ARFGEF2: variants seen among roughly 807,000 people sequenced by gnomAD.
ARFGEF2 encodes brefeldin A-inhibited guanine nucleotide-exchange protein 2.
A neutral mutation model predicts 219.9 loss-of-function variants in ARFGEF2; 74 were observed. The ratio of observed to expected loss-of-function variants is 0.34; its 90% CI spans 0.28 to 0.41. The LOEUF (loss-of-function observed/expected upper bound fraction) is 0.41, where lower values mean the gene tolerates loss of function less well. ARFGEF2 is among the 10% of genes least tolerant of loss of function. The pLI is 1.00. For synonymous variants in ARFGEF2, 733 were observed against 799.2 expected, an observed-to-expected ratio of 0.92 and a Z score of 1.40; for missense variants, 1,743 against 2,218.3, an observed-to-expected ratio of 0.79 and a Z score of 4.30.
chr20:48,941,152 A>G (rs1245565371), intron 1 of ARFGEF2, 47 bp from the exon 2 acceptor site: 1 of 1,574,756 alleles, frequency 6.4e-7, no homozygotes, highest in Non-Finnish European at 8.7e-7. Flanking sequence ...TTTCCTTTAC[A>G]TAAATGTTGC....
chr20:48,985,526 TAGA>T lies in ARFGEF2; in HGVS notation c.2192_2194del (p.Glu731del). The T allele has an allele frequency of 6.2e-7, 1 of 1,614,232 alleles. No homozygotes were observed. On this transcript the variant is annotated inframe_deletion, in exon 16 of 39. Transcript: ENST00000371917. Reference sequence around the variant, plus strand: ...TTTGTCTCAGCCCTGCGGACATTCCTAGAAGGTTTCCGCCTACCTGGAGAAGCC... The same window carrying T: ...TTTGTCTCAGCCCTGCGGACATTCCTAGGTTTCCGCCTACCTGGAGAAGCC...
In ARFGEF2 at chr20:48,921,779, G is replaced by A; in HGVS notation, c.-111G>A. On this transcript the variant is annotated 5_prime_UTR_variant, in exon 1 of 39. Coordinates refer to ENST00000371917, the MANE Select transcript of ARFGEF2 (RefSeq NM_006420.3). Reference sequence around the variant, plus strand: ...CGAGGTGTCGCTTCCTGACGGGGCGGCGCGGACGGACGCGGCCGGTGCCGG... The same window carrying A: ...CGAGGTGTCGCTTCCTGACGGGGCGACGCGGACGGACGCGGCCGGTGCCGG... The A allele has an allele frequency of 9.0e-7, 1 of 1,117,012 alleles. No homozygotes were observed. Among genetic ancestry groups the A allele is most frequent in the Non-Finnish European group, 1.1e-6 (1 of 900,104 alleles). The allele number at this position is 1,117,012 out of a possible 1,614,324, so 69.2% of individuals were successfully genotyped here.
chr20:49,011,767 A>G (rs2091499801), intron 27 of ARFGEF2, among the ~76,000 whole-genome samples, 157 bp from the exon 28 acceptor site: 1 of 152,218 alleles, frequency 6.6e-6, no homozygotes, highest in African/African-American at 2.4e-5. Context: ...TTAATAAGAA[A>G]AACTGTCTTC....
At chr20:49,006,378 A>C (rs1395270424) in intron 26 of ARFGEF2, among the ~76,000 whole-genome samples, 1 of 152,220 alleles carries the variant, frequency 6.6e-6, no homozygotes, top group South Asian at 2.1e-4. Context: ...TGATGGGCAT[A>C]CAGGAGTTCA....
At chr20:48,978,533 G>A (rs1260918705) in intron 14 of ARFGEF2, among the ~76,000 whole-genome samples, 1 of 152,130 alleles carries the variant, frequency 6.6e-6, no homozygotes, top group African/African-American at 2.4e-5. Context: ...TGATGGGGAT[G>A]GCATTGAATC....
intron 6 of ARFGEF2, among the ~76,000 whole-genome samples, chr20:48,963,081 C>T (rs745498120): frequency 6.0e-5 from 9 of 149,420 alleles, no homozygotes; most frequent in Middle Eastern, 3.5e-3. Flanking sequence ...GGTGAGGAGG[C>T]GGGAGGATTG....
At chr20:48,939,232 C>G (rs1034955845) in intron 1 of ARFGEF2, among the ~76,000 whole-genome samples, 1 of 151,996 alleles carries the variant, frequency 6.6e-6, no homozygotes, top group Non-Finnish European at 1.5e-5. Flanking sequence ...CTCGGCCTCC[C>G]AAAATGCTGG....
rs187270675 is a variant in ARFGEF2, at chr20:49,023,230, G to A, written c.4755+49G>A. On this transcript the variant is annotated intron_variant, in intron 35 of 38. Coordinates refer to ENST00000371917, the MANE Select transcript of ARFGEF2 (RefSeq NM_006420.3). ...GAGCATCCCTGTCCATAGGGAGGTT[G>A]CTTTGATGTAGTGGTGTGCGGAAGC... 1.9e-6 allele frequency: 3 copies of A among 1,610,972 alleles called. No homozygotes were observed. In the South Asian group the frequency reaches 3.3e-5, roughly 18 times the overall value.
intron 1 of ARFGEF2, among the ~76,000 whole-genome samples, chr20:48,933,840 C>G (rs1600586465): frequency 2.0e-5 from 3 of 152,014 alleles, no homozygotes; most frequent in Admixed American, 2.0e-4. Context: ...GGGAAGTTGG[C>G]CGGGTGCGGT....
Position 48,989,657 on chromosome 20 carries a change from C to T in ARFGEF2, c.2787C>T (p.Ile929=). The change falls in exon 20 of 39, where the codon ATC becomes ATT. Residue 929 remains isoleucine, a synonymous_variant. Transcript: ENST00000371917. ...GTTTGGAAGGCATCCGATGTGCAAT[C>T]CGAATCGCCTGCATCTTTGGAATGC... ...SLCLEGIRCA[I]RIACIFGMQL... The T allele has an allele frequency of 1.2e-6, 2 of 1,614,204 alleles. No homozygotes were observed. Among genetic ancestry groups the T allele is most frequent in the Non-Finnish European group, 8.5e-7 (1 of 1,180,032 alleles).
At chr20:48,950,573 C>A (rs1286970831) in intron 3 of ARFGEF2, among the ~76,000 whole-genome samples, 1 of 151,434 alleles carries the variant, frequency 6.6e-6, no homozygotes, top group African/African-American at 2.4e-5. Context: ...GCAGGAGGAT[C>A]GCTTGAGCCC....
intron 36 of ARFGEF2, among the ~76,000 whole-genome samples, chr20:49,026,599 T>A: frequency 6.6e-6 from 1 of 150,972 alleles, no homozygotes; most frequent in East Asian, 1.9e-4. Flanking sequence ...TTTTTTTTTT[T>A]TTTTGAGGCA....
Position 49,023,060 on chromosome 20 carries a change from T to A in ARFGEF2, c.4634T>A (p.Leu1545Gln), listed in dbSNP as rs200400452. 13 of 1,614,082 alleles carry A rather than the reference T, an allele frequency of 8.1e-6. No individual in the cohort carries two copies. Among genetic ancestry groups the A allele is most frequent in the Non-Finnish European group, 1.0e-5 (12 of 1,180,040 alleles). ...TTATCATCTAACATAGATCAGAAACTGTTTGCCAGCCTCCTCATCAAGTGT... is the reference window on the plus strand; with the variant it reads ...TTATCATCTAACATAGATCAGAAACAGTTTGCCAGCCTCCTCATCAAGTGT... ...WKGRPYANQK[L>Q]FASLLIKCVV... is the part of the protein sequence containing the mutation. Residue 1545 changes from leucine (L) to glutamine (Q), a missense_variant, in exon 35 of 39, where the codon CTG (leucine) becomes CAG (glutamine). By Grantham distance (113) the Leu-to-Gln change is moderately radical (BLOSUM62 -2). Around this residue, in one of 5 missense-constraint regions of ARFGEF2, gnomAD observed 578 missense variants for 664.0 expected, o/e 0.87. Coordinates refer to ENST00000371917, the MANE Select transcript of ARFGEF2 (RefSeq NM_006420.3).
intron 38 of ARFGEF2, among the ~76,000 whole-genome samples, chr20:49,032,597 C>CT (rs1360930552): frequency 0.031 from 4,461 of 144,460 alleles, 218 homozygotes; most frequent in African/African-American, 0.1. Context: ...TCTTCAACTT[C>CT]TTTTTTTTTT....
intron 35 of ARFGEF2, 45 bp downstream of exon 35, chr20:49,023,226 G>A (rs1050281423): frequency 6.2e-7 from 1 of 1,611,616 alleles, no homozygotes; most frequent in Non-Finnish European, 8.5e-7. Context: ...TCCATAGGGA[G>A]GTTGCTTTGA....
intron 34 of ARFGEF2, 92 bp downstream of exon 34, chr20:49,019,090 TC>T (rs2091548598): frequency 2.8e-6 from 3 of 1,075,504 alleles, no homozygotes; most frequent in South Asian, 2.7e-5. Flanking sequence ...TGATAAGCCT[TC>T]TTCTGCCCTG....
chr20:48,957,286 G>T (rs1377951180), intron 6 of ARFGEF2, among the ~76,000 whole-genome samples: 1 of 152,180 alleles, frequency 6.6e-6, no homozygotes, highest in African/African-American at 2.4e-5. Flanking sequence ...CTTTCTGCAA[G>T]AAAGGCTGAG....
chr20:48,994,432 C>CATG lies in ARFGEF2; in HGVS notation c.2974-18_2974-16dup, dbSNP rs2091374424. The CATG allele has an allele frequency of 6.2e-7, 1 of 1,613,710 alleles. No individual in the cohort carries two copies. The highest frequency in any genetic ancestry group is 8.5e-7 in the Non-Finnish European group (1 of 1,179,998). ...GCTGTAAGGTAGGAACTCATTTCTT[C>CATG]ATGCCTTCTTTCTCTTAGATCTTGA... On this transcript the variant is annotated intron_variant, in intron 21 of 38. Coordinates refer to ENST00000371917, the MANE Select transcript of ARFGEF2 (RefSeq NM_006420.3).
At chr20:48,999,875 C>T (rs1257227478) in intron 25 of ARFGEF2, among the ~76,000 whole-genome samples, 1 of 151,654 alleles carries the variant, frequency 6.6e-6, no homozygotes, top group Non-Finnish European at 1.5e-5. Context: ...AAAATTTTCT[C>T]AAACCTGGTG....
Sources: allele counts gnomAD v4.1 joint callset (sites outside exome capture counted in the v4.1 genomes callset), GRCh38; gene constraint gnomAD v4.1.1; regional missense constraint gnomAD v4.1.1; transcripts MANE v1.5; gene names NCBI Gene and HGNC (gene_info 2026-07-23, HGNC 2026-07-21).